Variants in BOLL observed in about 807,000 individuals in gnomAD.
BOLL encodes protein boule-like.
BOLL carries 23 observed loss-of-function variants against 44.4 expected under a neutral mutation model. That is an observed-to-expected ratio of 0.52 (90% confidence interval 0.37 to 0.73). The LOEUF (loss-of-function observed/expected upper bound fraction) is 0.73. BOLL is among the 30% of genes least tolerant of loss of function. The pLI, the probability that BOLL is intolerant of heterozygous loss-of-function variation, is 0.00. For missense variants in BOLL, 287 were observed against 338.3 expected (o/e 0.85, Z 1.19); for synonymous variants, 97 against 110.8 (o/e 0.88, Z 0.78).
At chr2:197,748,804 G>A (rs918854015) in intron 9 of BOLL, among the ~76,000 whole-genome samples, 1 of 152,234 alleles carries the variant, frequency 6.6e-6, no homozygotes, top group Non-Finnish European at 1.5e-5. Context: ...AGCTGTGGGT[G>A]CAGCTTCAGC....
At chr2:197,778,754 A>G (rs904739685) in intron 3 of BOLL, among the ~76,000 whole-genome samples, 6 of 151,738 alleles carry the variant, frequency 4.0e-5, no homozygotes, top group African/African-American at 1.2e-4. Flanking sequence ...CCCATGCAAG[A>G]ATAACTTCTC....
chr2:197,781,730 C>A lies in BOLL; in HGVS notation c.121G>T (p.Asp41Tyr). ...IPNRIFVGGI[D>Y]FKTNESDLRK... ...CATGCATAAATAGGTACCTTAAAAT[C>A]AATTCCTCCTACAAAGATGCGATTA... is the stretch of plus-strand genomic sequence containing the variant. The change falls in exon 2 of 11, where the codon GAT becomes TAT. Residue 41 changes from aspartate (D) to tyrosine (Y), a missense_variant. By Grantham distance (160) the Asp-to-Tyr change is radical. Transcript: ENST00000392296. The A allele has an allele frequency of 6.5e-7, 1 of 1,550,332 alleles. No individual in the cohort carries two copies. The highest frequency in any genetic ancestry group is 8.8e-7 in the Non-Finnish European group (1 of 1,139,468).
rs556719284 is a variant in BOLL at position 197,734,926 on chromosome 2, CA to C, written c.829-6349del. Among the ~76,000 whole-genome samples, 689 of 152,020 alleles carry C rather than the reference CA, an allele frequency of 4.5e-3. 2 individuals are homozygous for C. The highest frequency in any genetic ancestry group is 7.8e-3 in the Non-Finnish European group (528 of 67,976). On this transcript the variant is annotated intron_variant, in intron 10 of 10. Coordinates refer to ENST00000392296, the MANE Select transcript of BOLL (RefSeq NM_033030.6). ...ATATGTAATGAATCTGCACGTTGTG[CA>C]CATGTATCCTAAAACTTAAAGTATA... is the stretch of plus-strand genomic sequence containing the variant.
intron 9 of BOLL, among the ~76,000 whole-genome samples, chr2:197,755,052 A>G (rs1273633483): frequency 1.3e-5 from 2 of 152,204 alleles, no homozygotes; most frequent in African/African-American, 4.8e-5. Context: ...AATTCACAAG[A>G]AAAAAACAAA....
At position 197,758,937 on chromosome 2, in the gene BOLL, C is replaced by T. The variant is rs978019507; in HGVS notation, c.553-1537G>A. ...CTAAATGTTAGCCAGGGGAGCAAAACTGACCTCATCACATTTGGTAAAAGG... is the reference window on the plus strand; with the variant it reads ...CTAAATGTTAGCCAGGGGAGCAAAATTGACCTCATCACATTTGGTAAAAGG... On this transcript the variant is annotated intron_variant, in intron 7 of 10. Coordinates refer to ENST00000392296, the MANE Select transcript of BOLL (RefSeq NM_033030.6). The T allele has an allele frequency of 1.2e-5, 18 of 1,535,250 alleles. No homozygotes were observed. The Admixed American group carries it at 3.5e-4, about 30-fold the overall frequency.
intron 7 of BOLL, among the ~76,000 whole-genome samples, chr2:197,758,175 T>C (rs1423248094): frequency 6.6e-6 from 1 of 152,174 alleles, no homozygotes; most frequent in Admixed American, 6.5e-5. Flanking sequence ...AATAAAAATA[T>C]GTGTTCACAT....
chr2:197,784,429 TATATATATATATATATATA>T (rs2106400119), intron 1 of BOLL, among the ~76,000 whole-genome samples: 2 of 98,236 alleles, frequency 2.0e-5, no homozygotes, highest in Non-Finnish European at 4.3e-5. Context: ...TATATATATA[TATATATATATATATATATA>T]TTTGAGACAG....
chr2:197,752,071 G>A (rs773090255), intron 9 of BOLL, among the ~76,000 whole-genome samples: 3 of 152,196 alleles, frequency 2.0e-5, no homozygotes, highest in Middle Eastern at 3.4e-3. Flanking sequence ...CTCAATAGAC[G>A]CAGAAAAGGC....
At chr2:197,784,391 CATATATAT>C (rs60865376) in intron 1 of BOLL, among the ~76,000 whole-genome samples, 1,195 of 54,566 alleles carry the variant, frequency 0.022, 12 homozygotes, top group South Asian at 0.03. Flanking sequence ...CAGTCTAATA[CATATATAT>C]ATATATATAT....
intron 6 of BOLL, 115 bp downstream of exon 6, chr2:197,771,740 G>T: frequency 8.4e-7 from 1 of 1,196,608 alleles, no homozygotes; most frequent in Non-Finnish European, 1.1e-6. Context: ...ATTTAATTTG[G>T]TTGATGTGTG....
Position 197,755,276 on chromosome 2 carries a change from G to A in BOLL, c.729+1152C>T, listed in dbSNP as rs536158048. 7.2e-5 allele frequency among the ~76,000 whole-genome samples: 11 copies of A among 152,238 alleles called. No individual in the cohort carries two copies. The East Asian group carries it at 1.2e-3, about 16-fold the overall frequency. The stretch of plus-strand genomic sequence containing the variant: ...GGTGAGGCTGTGGAGAAACAGGAAC[G>A]CTTTTTTACACTGTTGGTGGAAATG... On this transcript the variant is annotated intron_variant, in intron 9 of 10. Coordinates refer to ENST00000392296, the MANE Select transcript of BOLL (RefSeq NM_033030.6).
chr2:197,741,197 A>G (rs1687714354), intron 10 of BOLL, among the ~76,000 whole-genome samples: 1 of 152,152 alleles, frequency 6.6e-6, no homozygotes. Context: ...CGTCCTTCAC[A>G]TCCCTCGTAA....
At chr2:197,742,828 A>G (rs1165524509) in intron 10 of BOLL, among the ~76,000 whole-genome samples, 1 of 152,104 alleles carries the variant, frequency 6.6e-6, no homozygotes, top group African/African-American at 2.4e-5. Flanking sequence ...ATAAAATAAA[A>G]TAAAAATTTT....
intron 5 of BOLL, chr2:197,774,605 A>G (rs893492455): frequency 6.6e-6 from 1 of 151,948 alleles, no homozygotes; most frequent in African/African-American, 2.4e-5. Flanking sequence ...AGATCATACT[A>G]TGAGCATTAC....
chr2:197,756,614 A>G, intron 8 of BOLL, 58 bp from the exon 9 acceptor site: 24 of 1,472,430 alleles, frequency 1.6e-5, no homozygotes, highest in Non-Finnish European at 2.1e-5. Flanking sequence ...TGTTAAACCA[A>G]ATGACTTAGC....
rs374755700 is a variant in BOLL, at chr2:197,773,145, T to A, written c.353-1163A>T. Reference sequence around the variant, plus strand: ...GAGAATTTGATGAAAATCAGGGACCTTTTCCTCAGATATATATACAGTCAA... The same window carrying A: ...GAGAATTTGATGAAAATCAGGGACCATTTCCTCAGATATATATACAGTCAA... On this transcript the variant is annotated intron_variant, in intron 5 of 10. Transcript: ENST00000392296. 1.9e-4 allele frequency among the ~76,000 whole-genome samples: 29 copies of A among 151,938 alleles called. 1 individual carries two copies. Among genetic ancestry groups the A allele is most frequent in the African/African-American group, 6.5e-4 (27 of 41,478 alleles).
At chr2:197,733,678 C>G (rs1574798247) in intron 10 of BOLL, among the ~76,000 whole-genome samples, 2 of 152,262 alleles carry the variant, frequency 1.3e-5, no homozygotes, top group Non-Finnish European at 2.9e-5. Flanking sequence ...ACTATCTGAT[C>G]TTTGACAAGC....
chr2:197,781,490 A>G (rs1689779127), intron 2 of BOLL, among the ~76,000 whole-genome samples: 1 of 152,198 alleles, frequency 6.6e-6, no homozygotes, highest in East Asian at 1.9e-4. Context: ...CTATGTGGCT[A>G]GCAGCCCACA....
chr2:197,786,190 G>C, upstream of BOLL: 1 of 815,634 alleles, frequency 1.2e-6, no homozygotes, highest in Non-Finnish European at 1.8e-6. This position sits in a 1 kb window ranked among gnomAD's most constrained non-coding sequence, Gnocchi z 5.9. Context: ...CCTGGCGGGT[G>C]GGGAGAAGCG....
Sources: gnomAD v4.1 joint callset for allele counts (sites outside exome capture counted in the v4.1 genomes callset) on GRCh38, gnomAD v4.1.1 for gene constraint, Gnocchi (gnomAD v3.1) non-coding constraint, MANE v1.5 for transcripts, NCBI Gene and HGNC (gene_info 2026-07-23, HGNC 2026-07-21) for gene names.